Variants in MARCHF1 observed in about 807,000 individuals in gnomAD.
The protein encoded by MARCHF1 is E3 ubiquitin-protein ligase MARCHF1.
MARCHF1 carries 40 observed loss-of-function variants against 54.2 expected under a neutral mutation model. That is an observed-to-expected ratio of 0.74 (90% CI 0.57 to 0.96). The LOEUF is 0.96. Among genes scored for constraint, MARCHF1 ranks in the 40% least tolerant of loss-of-function variants. MARCHF1 has a pLI of 0.00. For synonymous variants in MARCHF1, 236 were observed against 236.3 expected, an observed-to-expected ratio of 1.00 and a Z score of 0.01; for missense variants, 586 against 656.5, an observed-to-expected ratio of 0.89 and a Z score of 1.17.
At chr4:163,714,374 A>G (rs1026028640) in intron 4 of MARCHF1, among the ~76,000 whole-genome samples, 1 of 152,228 alleles carries the variant, frequency 6.6e-6, no homozygotes, top group Non-Finnish European at 1.5e-5. Context: ...AACTTCTTTT[A>G]AATAGAAATC....
intron 1 of MARCHF1, among the ~76,000 whole-genome samples, chr4:164,271,945 C>T (rs117276317): frequency 0.011 from 1,704 of 151,594 alleles, 29 homozygotes; most frequent in East Asian, 0.088. Context: ...CAAAAATCAA[C>T]GGAAAAATAA....
intron 1 of MARCHF1, among the ~76,000 whole-genome samples, chr4:164,357,571 C>T (rs1185946962): frequency 1.3e-5 from 2 of 152,112 alleles, no homozygotes; most frequent in Non-Finnish European, 2.9e-5. Context: ...GGGTGTAATT[C>T]AGTCTACCAC....
intron 2 of MARCHF1, among the ~76,000 whole-genome samples, chr4:164,100,811 C>A (rs565129747): frequency 3.9e-5 from 6 of 152,324 alleles, no homozygotes; most frequent in Admixed American, 2.6e-4. Context: ...GCTTGAGCTA[C>A]GCAGAAGACA....
At chr4:163,746,080 C>A (rs1195646645) in intron 4 of MARCHF1, among the ~76,000 whole-genome samples, 1 of 152,166 alleles carries the variant, frequency 6.6e-6, no homozygotes, top group African/African-American at 2.4e-5. Flanking sequence ...TGGGTTTGGA[C>A]AAATGTATAA....
rs70952617 is a variant in MARCHF1, at chr4:164,274,659, CTTTTTTTTTTTTTTTTT to C, written c.-323+109194_-323+109210del. 1.2e-3 allele frequency among the ~76,000 whole-genome samples: 55 copies of C among 44,658 alleles called. 2 individuals carry two copies. Among genetic ancestry groups the C allele is most frequent in the African/African-American group, 3.6e-3 (48 of 13,418 alleles). 29.3% of individuals were successfully genotyped at this position (44,658 alleles called of 152,430 possible). ...CGCTTGATGTGTGCTTCAGGGTACA[CTTTTTTTTTTTTTTTTT>C]TTTTTTTTTTTTTTTTTTTAGACGG... is the stretch of plus-strand genomic sequence containing the variant. On this transcript the variant is annotated intron_variant, in intron 1 of 9. Transcript: ENST00000514618.
chr4:163,612,406 G>C lies in MARCHF1; in HGVS notation c.875C>G (p.Thr292Arg). The C allele has an allele frequency of 6.5e-7, 1 of 1,535,370 alleles. No homozygotes were observed. Among genetic ancestry groups the C allele is most frequent in the Admixed American group, 2.0e-5 (1 of 50,950 alleles). Residue 292 changes from threonine (T) to arginine (R), a missense_variant, in exon 7 of 10, where the codon ACA becomes AGA. Coordinates refer to ENST00000514618, the MANE Select transcript of MARCHF1 (RefSeq NM_001394959.1). ...NEIMKKTFSE[T>R]DSSTEILGVP... ...TCCCAGTATTTCAGTGCTGGAATCT[G>C]TTTCTGAAAATGTCTTCTTCATTAT...
chr4:163,658,662 T>A (rs1743234983), intron 5 of MARCHF1, among the ~76,000 whole-genome samples: 1 of 151,934 alleles, frequency 6.6e-6, no homozygotes, highest in African/African-American at 2.4e-5. Flanking sequence ...GAGCTGGAAG[T>A]CATTACCCTC....
chr4:164,192,953 G>A (rs1301708395), intron 1 of MARCHF1, among the ~76,000 whole-genome samples: 1 of 152,104 alleles, frequency 6.6e-6, no homozygotes, highest in African/African-American at 2.4e-5. Context: ...CACTGTTACC[G>A]ACTGCAGTGC....
At chr4:164,053,748 A>T (rs1754423211) in intron 2 of MARCHF1, among the ~76,000 whole-genome samples, 1 of 152,234 alleles carries the variant, frequency 6.6e-6, no homozygotes, top group African/African-American at 2.4e-5. Context: ...CATTTCTTCA[A>T]CGTACAAAAC....
At chr4:163,563,359 T>G (rs921826939) in intron 8 of MARCHF1, among the ~76,000 whole-genome samples, 1 of 152,244 alleles carries the variant, frequency 6.6e-6, no homozygotes, top group Non-Finnish European at 1.5e-5. Context: ...CCAGCTATTT[T>G]GAATTTCTGA....
chr4:164,357,543 G>A (rs1730597497), intron 1 of MARCHF1, among the ~76,000 whole-genome samples: 1 of 152,148 alleles, frequency 6.6e-6, no homozygotes, highest in Non-Finnish European at 1.5e-5. Context: ...CATATGAGAT[G>A]AAGGTTTTGA....
intron 3 of MARCHF1, among the ~76,000 whole-genome samples, chr4:163,951,104 A>G (rs1365091776): frequency 6.6e-6 from 1 of 152,252 alleles, no homozygotes; most frequent in Non-Finnish European, 1.5e-5. Flanking sequence ...AAACTTCAAC[A>G]AAAACAACAT....
At chr4:164,351,401 G>A (rs1355956384) in intron 1 of MARCHF1, among the ~76,000 whole-genome samples, 1 of 150,964 alleles carries the variant, frequency 6.6e-6, no homozygotes, top group Admixed American at 6.6e-5. Context: ...CTCCCAGCAG[G>A]CAGCTGGAGA....
intron 1 of MARCHF1, among the ~76,000 whole-genome samples, chr4:164,289,434 A>G (rs935634525): frequency 1.3e-4 from 19 of 152,000 alleles, no homozygotes; most frequent in Non-Finnish European, 4.4e-5. Context: ...TAATCACTAT[A>G]TGGACTTTCA....
At chr4:163,620,606 C>CACACAGAGAG (rs1282901525) in intron 5 of MARCHF1, among the ~76,000 whole-genome samples, 1 of 56,870 alleles carries the variant, frequency 1.8e-5, no homozygotes, top group African/African-American at 4.7e-5. Flanking sequence ...CACACACACA[C>CACACAGAGAG]AGAGAGAGAG....
At chr4:163,928,463 A>C (rs565568347) in intron 3 of MARCHF1, among the ~76,000 whole-genome samples, 22 of 152,028 alleles carry the variant, frequency 1.4e-4, no homozygotes, top group African/African-American at 5.3e-4. Context: ...CTTTACAATT[A>C]TTATAACTCT....
At chr4:164,305,941 C>T (rs1190737885) in intron 1 of MARCHF1, among the ~76,000 whole-genome samples, 3 of 151,940 alleles carry the variant, frequency 2.0e-5, no homozygotes, top group South Asian at 2.1e-4. Context: ...AGAATAGTAC[C>T]GCAGCATGTT....
intron 3 of MARCHF1, among the ~76,000 whole-genome samples, chr4:163,955,634 T>C (rs1167469593): frequency 6.6e-6 from 1 of 152,062 alleles, no homozygotes; most frequent in Non-Finnish European, 1.5e-5. Flanking sequence ...AGATCGCATC[T>C]AACGTTTCCA....
chr4:164,011,486 C>T (rs551856555), intron 2 of MARCHF1, among the ~76,000 whole-genome samples: 145 of 152,216 alleles, frequency 9.5e-4, no homozygotes, highest in African/African-American at 3.2e-3. Context: ...GCAAAAGAAA[C>T]ATATACATGG....
Sources: allele counts gnomAD v4.1 joint callset (sites outside exome capture counted in the v4.1 genomes callset), GRCh38; gene constraint gnomAD v4.1.1; transcripts MANE v1.5; gene names NCBI Gene and HGNC (gene_info 2026-07-23, HGNC 2026-07-21).